Variants in PEX14 observed in about 807,000 individuals in gnomAD.
The protein encoded by PEX14 is peroxisomal membrane protein PEX14.
In PEX14, 15 loss-of-function variants were observed where a neutral mutation model predicts 49.5. That is an observed-to-expected ratio of 0.30 (90% CI 0.20 to 0.47). The LOEUF (loss-of-function observed/expected upper bound fraction) is 0.47. Among genes scored for constraint, PEX14 ranks in the 20% least tolerant of loss-of-function variants. The pLI is 1.00. For synonymous variants in PEX14, 210 were observed against 212.7 expected (o/e 0.99, Z 0.11); for missense variants, 398 against 494.8 (o/e 0.80, Z 1.86).
rs1570235331 is a variant in PEX14 at position 10,539,774 on chromosome 1, T to C, written c.169+3477T>C. ...TTTGACACCCTATCCAGCCACAAAATGTAGGAGGCAGTCTGCTTCCAAAGA... is the reference window on the plus strand; with the variant it reads ...TTTGACACCCTATCCAGCCACAAAACGTAGGAGGCAGTCTGCTTCCAAAGA... On this transcript the variant is annotated intron_variant, in intron 3 of 8. Transcript: ENST00000356607. The surrounding 1 kb of genome is among the most constrained non-coding windows in gnomAD (Gnocchi z 4.6). 1.3e-5 allele frequency among the ~76,000 whole-genome samples: 2 copies of C among 149,418 alleles called. No homozygotes were observed. Among genetic ancestry groups the C allele is most frequent in the African/African-American group, 5.0e-5 (2 of 40,360 alleles).
At chr1:10,598,280 C>T (rs1298192748) in intron 3 of PEX14, among the ~76,000 whole-genome samples, 1 of 152,202 alleles carries the variant, frequency 6.6e-6, no homozygotes, top group African/African-American at 2.4e-5. Flanking sequence ...CCTGAGCTGG[C>T]CCCGTGTGAC....
At chr1:10,614,733 T>C (rs1338345255) in intron 4 of PEX14, among the ~76,000 whole-genome samples, 1 of 152,118 alleles carries the variant, frequency 6.6e-6, no homozygotes, top group Non-Finnish European at 1.5e-5. Flanking sequence ...GTTCTGCACT[T>C]GTTCTGCCTG....
rs115143472 is a variant in PEX14 at position 10,617,367 on chromosome 1, C to G, written c.299-965C>G. Reference sequence around the variant, plus strand: ...CCTCCCCAGTGCTGCTGTCCAGGGTCATGGCACTCCCTGATTCACATCCCC... The same window carrying G: ...CCTCCCCAGTGCTGCTGTCCAGGGTGATGGCACTCCCTGATTCACATCCCC... On this transcript the variant is annotated intron_variant, in intron 4 of 8. Coordinates refer to ENST00000356607, the MANE Select transcript of PEX14 (RefSeq NM_004565.3). 6.3e-3 allele frequency among the ~76,000 whole-genome samples: 954 copies of G among 152,274 alleles called. 15 individuals carry two copies. Among genetic ancestry groups the G allele is most frequent in the African/African-American group, 0.022 (929 of 41,552 alleles).
At chr1:10,522,646 G>T (rs1157368992) in intron 2 of PEX14, among the ~76,000 whole-genome samples, 2 of 152,190 alleles carry the variant, frequency 1.3e-5, no homozygotes, top group Non-Finnish European at 2.9e-5. Flanking sequence ...ACCTGTGAAT[G>T]CTCAGTAGCT....
At chr1:10,575,482 T>C (rs1293363502) in intron 3 of PEX14, among the ~76,000 whole-genome samples, 1 of 152,304 alleles carries the variant, frequency 6.6e-6, no homozygotes, top group African/African-American at 2.4e-5. Flanking sequence ...AAGTTGTTAA[T>C]TGGCCACAAA....
chr1:10,495,137 CTT>C lies in PEX14; in HGVS notation c.37-136_37-135del. 6.4e-7 allele frequency: 1 copy of C among 1,550,888 alleles called. No homozygotes were observed. The highest frequency in any genetic ancestry group is 2.4e-5 in the East Asian group (1 of 42,118). On this transcript the variant is annotated intron_variant, in intron 1 of 8. Coordinates refer to ENST00000356607, the MANE Select transcript of PEX14 (RefSeq NM_004565.3). The surrounding 1 kb of genome is among the most constrained non-coding windows in gnomAD (Gnocchi z 4.2). ...TACAGGTAGTCCACTGCAAAATACTCTTGTGTCGTGAAAAACCAGTGAGAGAT... is the reference window on the plus strand; with the variant it reads ...TACAGGTAGTCCACTGCAAAATACTCGTGTCGTGAAAAACCAGTGAGAGAT...
intron 3 of PEX14, among the ~76,000 whole-genome samples, chr1:10,578,385 C>T (rs1272744723): frequency 6.6e-6 from 1 of 152,130 alleles, no homozygotes; most frequent in Non-Finnish European, 1.5e-5. Context: ...GGCATTTTCC[C>T]TAGGACTAAG....
At chr1:10,511,106 G>C (rs1384220379) in intron 2 of PEX14, among the ~76,000 whole-genome samples, 1 of 152,176 alleles carries the variant, frequency 6.6e-6, no homozygotes, top group Non-Finnish European at 1.5e-5. Context: ...GGTTTGTCTA[G>C]AAACAGCCCC....
chr1:10,555,477 C>G (rs575792762), intron 3 of PEX14, among the ~76,000 whole-genome samples: 1 of 152,266 alleles, frequency 6.6e-6, no homozygotes, highest in Non-Finnish European at 1.5e-5. Context: ...AAAAGCACCT[C>G]TCATTACAGT....
chr1:10,605,368 G>A (rs1641097111), intron 4 of PEX14, among the ~76,000 whole-genome samples: 1 of 152,188 alleles, frequency 6.6e-6, no homozygotes, highest in Non-Finnish European at 1.5e-5. Flanking sequence ...CCATTGCTTG[G>A]AGAAAGACAG....
rs1390375238 is a variant in PEX14, at chr1:10,597,362, G to A, written c.170-1876G>A. On this transcript the variant is annotated intron_variant, in intron 3 of 8. Coordinates refer to ENST00000356607, the MANE Select transcript of PEX14 (RefSeq NM_004565.3). This position sits in a 1 kb window ranked among gnomAD's most constrained non-coding sequence, Gnocchi z 5.7. ...ACAATGTCTTTCCCACCAGGGCTCC[G>A]AAAGGGGTTCCCCTTCCTGTTTAGT... Among the ~76,000 whole-genome samples, 1 of 152,206 alleles carries A rather than the reference G, an allele frequency of 6.6e-6. No individual in the cohort carries two copies. The highest frequency in any genetic ancestry group is 1.5e-5 in the Non-Finnish European group (1 of 68,026).
In PEX14 at chr1:10,515,666, A is replaced by G. The variant is rs560460785; in HGVS notation, c.84+20345A>G. On this transcript the variant is annotated intron_variant, in intron 2 of 8. Coordinates refer to ENST00000356607, the MANE Select transcript of PEX14 (RefSeq NM_004565.3). Reference sequence around the variant, plus strand: ...AGAAAACTAAATGTTTCCACTTCATAGAACAATAAACTTTGAGAATGTCTT... The same window carrying G: ...AGAAAACTAAATGTTTCCACTTCATGGAACAATAAACTTTGAGAATGTCTT... Among the ~76,000 whole-genome samples, 21 of 152,332 alleles carry G rather than the reference A, an allele frequency of 1.4e-4. No homozygotes were observed. In the East Asian group the frequency reaches 4.1e-3, roughly 29 times the overall value.
chr1:10,516,716 A>G (rs1206522495), intron 2 of PEX14, among the ~76,000 whole-genome samples: 1 of 152,246 alleles, frequency 6.6e-6, no homozygotes, highest in African/African-American at 2.4e-5. Context: ...TCTGAAGCAG[A>G]TACAAACAGA....
intron 2 of PEX14, among the ~76,000 whole-genome samples, chr1:10,501,653 G>A (rs1374631904): frequency 2.6e-5 from 4 of 152,070 alleles, no homozygotes; most frequent in Non-Finnish European, 4.4e-5. Context: ...GGTGGCTCAC[G>A]CCTGTAATCC....
chr1:10,608,557 G>C (rs1405855438), intron 4 of PEX14, among the ~76,000 whole-genome samples: 1 of 151,952 alleles, frequency 6.6e-6, no homozygotes. Flanking sequence ...AGCTACTCAG[G>C]AGGCTGAGGC....
intron 4 of PEX14, among the ~76,000 whole-genome samples, chr1:10,601,004 G>A (rs1640968876): frequency 1.3e-5 from 2 of 152,052 alleles, no homozygotes; most frequent in South Asian, 4.2e-4. Flanking sequence ...GCTCACGCCT[G>A]TAATCCCAGC....
At chr1:10,502,745 G>T (rs943954178) in intron 2 of PEX14, among the ~76,000 whole-genome samples, 10 of 151,500 alleles carry the variant, frequency 6.6e-5, no homozygotes, top group Non-Finnish European at 1.2e-4. Flanking sequence ...GAGCACTCAG[G>T]TGCCTTTTAT....
At chr1:10,483,094 A>G (rs1303932452) in intron 1 of PEX14, among the ~76,000 whole-genome samples, 1 of 152,228 alleles carries the variant, frequency 6.6e-6, no homozygotes, top group African/African-American at 2.4e-5. Context: ...GGTGGTGTCT[A>G]TCACATTTCT....
chr1:10,484,480 A>G (rs981184331), intron 1 of PEX14, among the ~76,000 whole-genome samples: 1 of 151,682 alleles, frequency 6.6e-6, no homozygotes, highest in African/African-American at 2.4e-5. Flanking sequence ...ACCATGAATT[A>G]CTTTTTACCG....
Sources: allele counts gnomAD v4.1 joint callset (sites outside exome capture counted in the v4.1 genomes callset), GRCh38; gene constraint gnomAD v4.1.1; non-coding constraint Gnocchi (gnomAD v3.1); transcripts MANE v1.5; gene names NCBI Gene and HGNC (gene_info 2026-07-23, HGNC 2026-07-21).